Variants in GLIS3 observed in about 807,000 individuals in gnomAD.
GLIS3 encodes GLIS family zinc finger 3, also known as zinc finger protein GLIS3.
In GLIS3, 53 loss-of-function variants were observed where a neutral mutation model predicts 78.6. The observed-to-expected ratio is 0.67, with a 90% CI of 0.54 to 0.85. GLIS3 has a LOEUF of 0.85. Ranked by LOEUF, GLIS3 falls within the 40% of genes least tolerant of loss-of-function variation. The pLI is 0.00. For missense variants in GLIS3, 1,703 were observed against 1,231.1 expected, an observed-to-expected ratio of 1.38 and a Z score of -5.74; for synonymous variants, 684 against 509.9, an observed-to-expected ratio of 1.34 and a Z score of -4.60.
chr9:4,001,609 T>A (rs1056514691), intron 4 of GLIS3, among the ~76,000 whole-genome samples: 2 of 152,218 alleles, frequency 1.3e-5, no homozygotes, highest in Non-Finnish European at 2.9e-5. Context: ...AGGAAAAAAA[T>A]TCCCAAGGAA....
rs775176247 is a variant in GLIS3, at chr9:3,829,509, G to A, written c.2474-17C>T. 1.2e-6 allele frequency: 2 copies of A among 1,613,710 alleles called. No individual in the cohort carries two copies. Among genetic ancestry groups the A allele is most frequent in the South Asian group, 2.2e-5 (2 of 91,034 alleles). ...CATAAAATCCTGAAACGCAAGCATGGCATTGAGCACAAGTTCCTTTGGGCA... is the reference window on the plus strand; with the variant it reads ...CATAAAATCCTGAAACGCAAGCATGACATTGAGCACAAGTTCCTTTGGGCA... On this transcript the variant is annotated splice_polypyrimidine_tract_variant and intron_variant, in intron 9 of 10. Coordinates refer to ENST00000381971, the MANE Select transcript of GLIS3 (RefSeq NM_001042413.2).
chr9:3,982,827 G>A (rs572844467), intron 4 of GLIS3, among the ~76,000 whole-genome samples: 125 of 152,250 alleles, frequency 8.2e-4, no homozygotes, highest in African/African-American at 3.0e-3. Flanking sequence ...AAGGCTTCAG[G>A]CAGCTACCCA....
intron 4 of GLIS3, among the ~76,000 whole-genome samples, chr9:3,972,080 A>T (rs932667902): frequency 1.3e-5 from 2 of 152,130 alleles, no homozygotes; most frequent in African/African-American, 4.8e-5. Flanking sequence ...TATCTCTACT[A>T]GTTTTCATGT....
chr9:4,404,524 C>A, the GLIS3 span, among the ~76,000 whole-genome samples: 1 of 152,178 alleles, frequency 6.6e-6, no homozygotes, highest in African/African-American at 2.4e-5. Flanking sequence ...AGCATCTTCT[C>A]TGATCACATT....
chr9:4,072,471 T>C (rs1251299445), intron 4 of GLIS3, among the ~76,000 whole-genome samples: 1 of 152,216 alleles, frequency 6.6e-6, no homozygotes, highest in African/African-American at 2.4e-5. Context: ...AATCTATGCA[T>C]AACACTTGGA....
chr9:4,334,199 A>G (rs146033925), intron 2 of GLIS3, among the ~76,000 whole-genome samples: 78 of 152,360 alleles, frequency 5.1e-4, no homozygotes, highest in Middle Eastern at 3.4e-3. Context: ...AACTGAGTAA[A>G]GGGGACAGTG....
chr9:3,898,791 G>A lies in GLIS3; in HGVS notation c.2028C>T (p.Cys676=). 1.2e-6 allele frequency: 2 copies of A among 1,614,156 alleles called. No homozygotes were observed. The highest frequency in any genetic ancestry group is 1.7e-6 in the Non-Finnish European group (2 of 1,180,030). ...TELHPDLLTD[C]LTVQSLQPAT... ...CCGGCTGCAGGGACTGCACGGTGAGGCAATCTGTGAGCAGGTCTGGATGGA... is the reference window on the plus strand; with the variant it reads ...CCGGCTGCAGGGACTGCACGGTGAGACAATCTGTGAGCAGGTCTGGATGGA... The change falls in exon 7 of 11, where the codon TGC becomes TGT. Residue 676 remains cysteine, a synonymous_variant. Transcript: ENST00000381971.
At chr9:4,242,758 G>A (rs1823437936) in intron 2 of GLIS3, among the ~76,000 whole-genome samples, 1 of 151,940 alleles carries the variant, frequency 6.6e-6, no homozygotes, top group African/African-American at 2.4e-5. Context: ...AGAAGATTTT[G>A]CAAAAATAAT....
chr9:4,340,221 T>C (rs866499567), intron 2 of GLIS3, among the ~76,000 whole-genome samples: 1 of 151,602 alleles, frequency 6.6e-6, no homozygotes, highest in Non-Finnish European at 1.5e-5. Flanking sequence ...AGTTAGTATG[T>C]ATTTTTTAAA....
intron 4 of GLIS3, among the ~76,000 whole-genome samples, chr9:3,954,153 T>C (rs1354861516): frequency 6.6e-6 from 1 of 152,230 alleles, no homozygotes; most frequent in East Asian, 1.9e-4. Context: ...CTTTTATAAA[T>C]ATTCATTGAT....
In GLIS3 at chr9:4,286,203, C is replaced by A; in HGVS notation, c.223G>T (p.Ala75Ser). ...GCAGGCAGATGGATGCGGCTCTCAG[C>A]CACGTTGTTCTGAGGAGCCATCCCT... ...GGGMAPQNNV[A>S]ESRIHLPALS... Residue 75 changes from alanine (A) to serine (S), a missense_variant, in exon 2 of 11, where the codon GCT (alanine) becomes TCT (serine). By Grantham distance (99) the Ala-to-Ser change is moderately conservative (BLOSUM62 1). Coordinates refer to ENST00000381971, the MANE Select transcript of GLIS3 (RefSeq NM_001042413.2). 6.2e-7 allele frequency: 1 copy of A among 1,614,224 alleles called. No individual in the cohort carries two copies.
chr9:3,971,998 AG>A (rs1818414968), intron 4 of GLIS3, among the ~76,000 whole-genome samples: 1 of 152,182 alleles, frequency 6.6e-6, no homozygotes, highest in Non-Finnish European at 1.5e-5. Context: ...TGGTCCAAGA[AG>A]GGGCTTTTGT....
At chr9:4,469,912 A>C in the GLIS3 span, among the ~76,000 whole-genome samples, 1 of 152,178 alleles carries the variant, frequency 6.6e-6, no homozygotes, top group Admixed American at 6.5e-5. Flanking sequence ...AAAAGAGAGA[A>C]AAATCAAATA....
chr9:3,858,163 A>G (rs1393116458), intron 8 of GLIS3, among the ~76,000 whole-genome samples: 2 of 152,190 alleles, frequency 1.3e-5, no homozygotes, highest in African/African-American at 4.8e-5. Context: ...TTGTAAATCA[A>G]AGATGCAACT....
At chr9:4,464,740 G>C in the GLIS3 span, among the ~76,000 whole-genome samples, 2,798 of 152,224 alleles carry the variant, frequency 0.018, 78 homozygotes, top group African/African-American at 0.063. Context: ...AAGAAAATAA[G>C]TTCAAAGAAA....
chr9:4,187,426 G>A (rs915482590), intron 2 of GLIS3, among the ~76,000 whole-genome samples: 112 of 152,264 alleles, frequency 7.4e-4, no homozygotes, highest in African/African-American at 2.6e-3. Flanking sequence ...AAGTCAGGTA[G>A]CATGATGCCT....
intron 4 of GLIS3, among the ~76,000 whole-genome samples, chr9:3,966,224 C>A (rs1260687335): frequency 1.3e-5 from 2 of 152,150 alleles, no homozygotes; most frequent in African/African-American, 4.8e-5. Context: ...GAATGAATGA[C>A]TGAATGGGAT....
intron 7 of GLIS3, among the ~76,000 whole-genome samples, chr9:3,882,318 T>C (rs1403924606): frequency 6.6e-6 from 1 of 152,152 alleles, no homozygotes; most frequent in African/African-American, 2.4e-5. Flanking sequence ...GGTTGCGCCA[T>C]TGGTCAAGAT....
At chr9:4,279,572 C>G (rs574759234) in intron 2 of GLIS3, among the ~76,000 whole-genome samples, 4 of 151,422 alleles carry the variant, frequency 2.6e-5, no homozygotes, top group African/African-American at 7.3e-5. Flanking sequence ...TTGTGAAAAC[C>G]TGGGAGGCTG....
Sources: gnomAD v4.1 joint callset for allele counts (sites outside exome capture counted in the v4.1 genomes callset) on GRCh38, gnomAD v4.1.1 for gene constraint, MANE v1.5 for transcripts, NCBI Gene and HGNC (gene_info 2026-07-23, HGNC 2026-07-21) for gene names.